SV2C: variants seen among roughly 807,000 people sequenced by gnomAD.
The protein encoded by SV2C is synaptic vesicle glycoprotein 2C.
Under a neutral mutation model 79.7 loss-of-function variants are expected in SV2C, and 49 were observed. That is an observed-to-expected ratio of 0.61 (90% CI 0.49 to 0.78). SV2C has a LOEUF of 0.78. SV2C is among the 30% of genes least tolerant of loss of function. The pLI, the probability that SV2C is intolerant of heterozygous loss-of-function variation, is 0.00. For synonymous variants in SV2C, 334 were observed against 333.2 expected (o/e 1.00, Z -0.03); for missense variants, 833 against 912.9 (o/e 0.91, Z 1.13).
the SV2C span, among the ~76,000 whole-genome samples, chr5:76,047,340 A>G: frequency 1.3e-5 from 2 of 152,226 alleles, no homozygotes; most frequent in Admixed American, 6.5e-5. Context: ...TTATATAAAT[A>G]TAAGTGGAAT....
the SV2C span, among the ~76,000 whole-genome samples, chr5:75,994,165 A>G: frequency 6.6e-6 from 1 of 152,138 alleles, no homozygotes; most frequent in African/African-American, 2.4e-5. Flanking sequence ...GCAATGGTAC[A>G]CATGAGCAAA....
chr5:76,301,998 C>T (rs965850143), intron 12 of SV2C, among the ~76,000 whole-genome samples: 1 of 151,520 alleles, frequency 6.6e-6, no homozygotes, highest in Non-Finnish European at 1.5e-5. Context: ...TTGTAGGTTC[C>T]ACTCATATCT....
rs1465185517 is a variant in SV2C at position 76,174,860 on chromosome 5, G to A, written c.581-20059G>A. On this transcript the variant is annotated intron_variant, in intron 2 of 12. Coordinates refer to ENST00000502798, the MANE Select transcript of SV2C (RefSeq NM_014979.4). ...AGCCCAACGCTGATGCTGGAGGCAGGCTTTGGCTCCTGCTTCATGCCCTCT... is the reference window on the plus strand; with the variant it reads ...AGCCCAACGCTGATGCTGGAGGCAGACTTTGGCTCCTGCTTCATGCCCTCT... Among the ~76,000 whole-genome samples the A allele has an allele frequency of 3.3e-5, 5 of 152,230 alleles. No homozygotes were observed. In the East Asian group the frequency reaches 9.6e-4, roughly 29 times the overall value.
At chr5:75,895,858 T>G in the SV2C span, among the ~76,000 whole-genome samples, 4 of 152,120 alleles carry the variant, frequency 2.6e-5, no homozygotes, top group Non-Finnish European at 4.4e-5. Flanking sequence ...TGGAGAATGC[T>G]TCAGAATTGA....
At chr5:76,123,758 A>C (rs994236880) in intron 1 of SV2C, among the ~76,000 whole-genome samples, 12 of 152,214 alleles carry the variant, frequency 7.9e-5, no homozygotes, top group African/African-American at 2.9e-4. Context: ...TTTTCTGGGA[A>C]TCCTCAGACC....
At chr5:76,238,721 T>G (rs1050231914) in intron 4 of SV2C, among the ~76,000 whole-genome samples, 5 of 152,340 alleles carry the variant, frequency 3.3e-5, no homozygotes, top group African/African-American at 1.2e-4. Context: ...CTATTTTCTG[T>G]GAAAACGAAC....
chr5:76,339,713 CAAA>C (rs536302675), intron 12 of SV2C, among the ~76,000 whole-genome samples: 7 of 77,816 alleles, frequency 9.0e-5, no homozygotes, highest in Non-Finnish European at 6.0e-5. Flanking sequence ...GACTCTGTCT[CAAA>C]AAAAAAAAAA....
At chr5:76,289,008 T>C (rs181816907) in intron 6 of SV2C, among the ~76,000 whole-genome samples, 1 of 152,108 alleles carries the variant, frequency 6.6e-6, no homozygotes, top group Admixed American at 6.5e-5. Context: ...GCCTTCCTAC[T>C]AACTGGGAAT....
At chr5:76,271,124 G>GA (rs1238324487) in intron 4 of SV2C, among the ~76,000 whole-genome samples, 1 of 151,152 alleles carries the variant, frequency 6.6e-6, no homozygotes, top group East Asian at 2.0e-4. Flanking sequence ...TGTCAAAAGG[G>GA]AAAAAAAAGA....
chr5:75,942,221 T>C, the SV2C span, among the ~76,000 whole-genome samples: 4 of 152,220 alleles, frequency 2.6e-5, no homozygotes, highest in African/African-American at 7.2e-5. Flanking sequence ...TATCTCTTCA[T>C]CCAGTTGTTT....
the SV2C span, among the ~76,000 whole-genome samples, chr5:75,884,450 A>G: frequency 6.6e-6 from 1 of 152,184 alleles, no homozygotes; most frequent in Non-Finnish European, 1.5e-5. Context: ...CAACATCATT[A>G]CATCATAGGA....
At chr5:76,206,897 A>T in intron 3 of SV2C, among the ~76,000 whole-genome samples, 1 of 152,172 alleles carries the variant, frequency 6.6e-6, no homozygotes, top group East Asian at 1.9e-4. Flanking sequence ...AGTCTAAATA[A>T]CTTTGCAAAG....
In SV2C at chr5:76,325,883, G is replaced by A. The variant is rs755218603; in HGVS notation, c.*336G>A. On this transcript the variant is annotated 3_prime_UTR_variant, in exon 13 of 13. Coordinates refer to ENST00000502798, the MANE Select transcript of SV2C (RefSeq NM_014979.4). ...TGAAAGTTTAGAAGCTAAGAAGACT[G>A]GGCTGGTGTAAGAAATAGATCCTGC... 3.3e-5 allele frequency: 7 copies of A among 210,326 alleles called. No homozygotes were observed. Among genetic ancestry groups the A allele is most frequent in the Non-Finnish European group, 3.8e-5 (4 of 106,566 alleles). 13.0% of individuals were successfully genotyped at this position (210,326 alleles called of 1,614,324 possible). A position where few individuals can be genotyped will look rare whatever the true frequency, so the allele number is the denominator to read the frequency against.
intron 4 of SV2C, among the ~76,000 whole-genome samples, chr5:76,272,440 T>C (rs1166373923): frequency 2.0e-5 from 3 of 152,172 alleles, no homozygotes; most frequent in African/African-American, 7.2e-5. Context: ...ACCATGCAGT[T>C]GTTTGGAATA....
chr5:76,217,759 A>G (rs975553093), intron 4 of SV2C, among the ~76,000 whole-genome samples: 2 of 152,210 alleles, frequency 1.3e-5, no homozygotes, highest in African/African-American at 4.8e-5. Flanking sequence ...GAAAAGAAAA[A>G]AAAAAGGATA....
the SV2C span, among the ~76,000 whole-genome samples, chr5:76,000,149 C>T: frequency 6.6e-6 from 1 of 152,274 alleles, no homozygotes; most frequent in East Asian, 1.9e-4. Flanking sequence ...TTCAGAAACA[C>T]TCTCACAGAC....
At chr5:75,881,491 T>G in the SV2C span, among the ~76,000 whole-genome samples, 2 of 152,144 alleles carry the variant, frequency 1.3e-5, no homozygotes, top group Admixed American at 6.6e-5. Flanking sequence ...GGTTTGTAGT[T>G]CTCCTTGAAG....
At chr5:76,286,814 G>T (rs1169858730) in intron 6 of SV2C, 1 of 152,192 alleles carries the variant, frequency 6.6e-6, no homozygotes, top group Non-Finnish European at 1.5e-5. Flanking sequence ...CTGAGCAAAA[G>T]GGAGAAAATC....
chr5:75,929,927 T>C, the SV2C span, among the ~76,000 whole-genome samples: 9 of 152,334 alleles, frequency 5.9e-5, no homozygotes, highest in South Asian at 1.9e-3. Context: ...TGGATAATTA[T>C]CAGAACTTTT....
Sources: gnomAD v4.1 joint callset for allele counts (sites outside exome capture counted in the v4.1 genomes callset) on GRCh38, gnomAD v4.1.1 for gene constraint, MANE v1.5 for transcripts, NCBI Gene and HGNC (gene_info 2026-07-23, HGNC 2026-07-21) for gene names.